Variants in LRP5 observed in about 807,000 individuals in gnomAD.
LRP5 encodes the protein LDL receptor related protein 5.
In LRP5, 62 loss-of-function variants were observed where a neutral mutation model predicts 154.1. The observed-to-expected ratio is 0.40, with a 90% CI of 0.33 to 0.50. The LOEUF (loss-of-function observed/expected upper bound fraction) is 0.50. Among genes scored for constraint, LRP5 ranks in the 20% least tolerant of loss-of-function variants. The pLI is 0.55. For synonymous variants in LRP5, 966 were observed against 1,011.5 expected (o/e 0.96, Z 0.85); for missense variants, 1,915 against 2,336.7 (o/e 0.82, Z 3.72).
intron 16 of LRP5, among the ~76,000 whole-genome samples, chr11:68,426,496 T>G (rs1369864295): frequency 6.7e-6 from 1 of 148,754 alleles, no homozygotes. Context: ...GCAAACACAG[T>G]TCACTGCAGC....
At chr11:68,433,296 G>A (rs764804669) in intron 17 of LRP5, among the ~76,000 whole-genome samples, 11 of 152,302 alleles carry the variant, frequency 7.2e-5, no homozygotes, top group South Asian at 6.2e-4. Flanking sequence ...TTGGTGTAGC[G>A]CCTGCTGCTT....
chr11:68,300,171 C>A, the LRP5 span, among the ~76,000 whole-genome samples: 1 of 149,144 alleles, frequency 6.7e-6, no homozygotes, highest in South Asian at 2.1e-4. Flanking sequence ...AAAGTACAGG[C>A]ATGAGCCACC....
chr11:68,365,127 G>A (rs1208417074), intron 4 of LRP5, among the ~76,000 whole-genome samples: 2 of 152,170 alleles, frequency 1.3e-5, no homozygotes, highest in Non-Finnish European at 2.9e-5. Context: ...TTGTCTCTGG[G>A]GTTCCCGTCA....
chr11:68,433,498 C>T (rs2098673079), intron 17 of LRP5, 104 bp from the exon 18 acceptor site: 2 of 1,026,588 alleles, frequency 1.9e-6, no homozygotes, highest in Non-Finnish European at 3.1e-6. Context: ...ATGCCAAACC[C>T]GCGCTGAGTC....
intron 7 of LRP5, among the ~76,000 whole-genome samples, chr11:68,402,794 G>A (rs2098653337): frequency 6.6e-6 from 1 of 152,228 alleles, no homozygotes; most frequent in Non-Finnish European, 1.5e-5. Context: ...CCAGGCAGCC[G>A]CTGCCTGTCA....
At chr11:68,385,304 C>T (rs1311551419) in intron 5 of LRP5, among the ~76,000 whole-genome samples, 1 of 152,004 alleles carries the variant, frequency 6.6e-6, no homozygotes, top group Non-Finnish European at 1.5e-5. Context: ...AGCTGCTCAG[C>T]CAGCAGCAGG....
chr11:68,423,435 A>G lies in LRP5; in HGVS notation c.3028-54A>G. On this transcript the variant is annotated intron_variant, in intron 13 of 22. Coordinates refer to ENST00000294304, the MANE Select transcript of LRP5 (RefSeq NM_002335.4). This position sits in a 1 kb window ranked among gnomAD's most constrained non-coding sequence, Gnocchi z 4.7. ...TCCGCCAGTGCCAGGGGTCTCCGCC[A>G]GTGCCCAGGGGTCTCCGCCAGTGCT... 6.5e-7 allele frequency: 1 copy of G among 1,546,896 alleles called. No homozygotes were observed. Among genetic ancestry groups the G allele is most frequent in the Non-Finnish European group, 8.9e-7 (1 of 1,119,102 alleles).
At chr11:68,325,078 C>T (rs889207971) in intron 1 of LRP5, among the ~76,000 whole-genome samples, 5 of 152,324 alleles carry the variant, frequency 3.3e-5, no homozygotes, top group South Asian at 2.1e-4. Context: ...TAGCCCAGAG[C>T]GGGATACCAC....
chr11:68,403,985 A>G lies in LRP5; in HGVS notation c.1801+286A>G, dbSNP rs1257779309. 40 of 529,822 alleles carry G rather than the reference A, an allele frequency of 7.5e-5. 1 individual carries two copies. The highest frequency in any genetic ancestry group is 6.9e-6 in the Non-Finnish European group (2 of 291,958). The allele number at this position is 529,822 out of a possible 1,614,324, so 32.8% of individuals were successfully genotyped here. On this transcript the variant is annotated intron_variant, in intron 8 of 22. Coordinates refer to ENST00000294304, the MANE Select transcript of LRP5 (RefSeq NM_002335.4). ...GCCCTGGCCGGGAGCCTTCGTGCCC[A>G]CAGTGACCCCGTCTGCAAATGTAGT... is the stretch of plus-strand genomic sequence containing the variant.
In LRP5 at chr11:68,423,814, G is replaced by C. The variant is rs565236091; in HGVS notation, c.3236+117G>C. On this transcript the variant is annotated intron_variant, in intron 14 of 22. Transcript: ENST00000294304. The surrounding 1 kb of genome is among the most constrained non-coding windows in gnomAD (Gnocchi z 4.7). ...ACTTTCCACCCTGGGGATCCAATGG[G>C]TGGCTTTCCAGGGTCCCAAAAGCAA... 1 of 1,016,024 alleles carries C rather than the reference G, an allele frequency of 9.8e-7. No homozygotes were observed. The highest frequency in any genetic ancestry group is 2.6e-5 in the East Asian group (1 of 39,038). The allele number at this position is 1,016,024 out of a possible 1,614,324, so 62.9% of individuals were successfully genotyped here. A position where few individuals can be genotyped will look rare whatever the true frequency, so the allele number is the denominator to read the frequency against.
intron 1 of LRP5, among the ~76,000 whole-genome samples, chr11:68,342,820 C>G (rs1440901280): frequency 2.0e-5 from 3 of 152,238 alleles, no homozygotes; most frequent in Non-Finnish European, 4.4e-5. Flanking sequence ...ATCTGAACAG[C>G]CGAGAGTGTA....
At chr11:68,377,241 G>A (rs1209518235) in intron 5 of LRP5, among the ~76,000 whole-genome samples, 1 of 152,160 alleles carries the variant, frequency 6.6e-6, no homozygotes, top group Middle Eastern at 3.2e-3. Context: ...CCCGCCTGCA[G>A]GTCCCTTCCT....
intron 7 of LRP5, among the ~76,000 whole-genome samples, chr11:68,398,078 T>A (rs2098650546): frequency 2.0e-5 from 3 of 152,030 alleles, no homozygotes; most frequent in African/African-American, 7.2e-5. Flanking sequence ...TGCTGTTTCC[T>A]TTTGGGTTTT....
Position 68,410,027 on chromosome 11 carries a change from C to A in LRP5, c.2205C>A (p.Ala735=). The A allele has an allele frequency of 4.3e-6, 7 of 1,613,996 alleles. No homozygotes were observed. Among genetic ancestry groups the A allele is most frequent in the Non-Finnish European group, 5.9e-6 (7 of 1,179,970 alleles). Residue 735 remains alanine, a synonymous_variant, in exon 10 of 23, where the codon GCC becomes GCA. Transcript: ENST00000294304. ...GGATGGGCAAGAACCTCTACTGGGCCGACACTGGGACCAACAGAATCGAAG... is the reference window on the plus strand; with the variant it reads ...GGATGGGCAAGAACCTCTACTGGGCAGACACTGGGACCAACAGAATCGAAG... The part of the protein sequence containing the change: ...VDWMGKNLYW[A]DTGTNRIEVA...
chr11:68,311,915 T>A (rs1317404910), upstream of LRP5, among the ~76,000 whole-genome samples: 1 of 152,234 alleles, frequency 6.6e-6, no homozygotes, highest in East Asian at 1.9e-4. Flanking sequence ...CAGCACGTCT[T>A]CTTCCTGGAG....
At chr11:68,326,425 C>G (rs2098599718) in intron 1 of LRP5, among the ~76,000 whole-genome samples, 1 of 152,258 alleles carries the variant, frequency 6.6e-6, no homozygotes, top group South Asian at 2.1e-4. Context: ...AGCGCCTCCC[C>G]ACTCAGCTTC....
In LRP5 at chr11:68,446,443, A is replaced by G. The variant is rs747832451; in HGVS notation, c.4496A>G (p.Asn1499Ser). Residue 1499 changes from asparagine (N) to serine (S), a missense_variant, in exon 22 of 23, where the codon AAC becomes AGC. Physicochemically the swap from Asn to Ser is conservative, Grantham distance 46 (BLOSUM62 1). Around this residue, in one of 3 missense-constraint regions of LRP5, gnomAD observed 1,094 missense variants for 1,210.1 expected, o/e 0.90. Transcript: ENST00000294304. ...TGGCTTGGCTCTCCTCAGATCCTGA[A>G]CCCGCCGCCCTCCCCGGCCACGGAC... is the stretch of plus-strand genomic sequence containing the variant. ...TKATLYPPIL[N>S]PPPSPATDPS... The G allele has an allele frequency of 6.2e-6, 10 of 1,612,376 alleles. No homozygotes were observed. Among genetic ancestry groups the G allele is most frequent in the Non-Finnish European group, 8.5e-6 (10 of 1,178,696 alleles).
chr11:68,402,526 A>G (rs2098653179), intron 7 of LRP5, among the ~76,000 whole-genome samples: 1 of 152,054 alleles, frequency 6.6e-6, no homozygotes, highest in Non-Finnish European at 1.5e-5. Context: ...GTTCACAGAG[A>G]AGCGGGAGAA....
chr11:68,365,774 G>A, intron 5 of LRP5, 72 bp downstream of exon 5: 1 of 1,435,900 alleles, frequency 7.0e-7, no homozygotes, highest in South Asian at 1.4e-5. Context: ...GGCCGCCGGG[G>A]GTGCCCCAGA....
Sources: gnomAD v4.1 joint callset for allele counts (sites outside exome capture counted in the v4.1 genomes callset) on GRCh38, gnomAD v4.1.1 for gene constraint, gnomAD v4.1.1 regional missense constraint, Gnocchi (gnomAD v3.1) non-coding constraint, MANE v1.5 for transcripts, NCBI Gene and HGNC (gene_info 2026-07-23, HGNC 2026-07-21) for gene names.